Variants in AGBL4 observed in about 807,000 individuals in gnomAD.
AGBL4 encodes cytosolic carboxypeptidase 6.
A neutral mutation model predicts 66.4 loss-of-function variants in AGBL4; 58 were observed. The ratio of observed to expected loss-of-function variants is 0.87; its 90% CI spans 0.71 to 1.09. The LOEUF is 1.09. Among genes scored for constraint, AGBL4 ranks in the 50% least tolerant of loss-of-function variants. The pLI, the probability that AGBL4 is intolerant of heterozygous loss-of-function variation, is 0.00. For missense variants in AGBL4, 579 were observed against 631.0 expected, an observed-to-expected ratio of 0.92 and a Z score of 0.88; for synonymous variants, 234 against 222.9, an observed-to-expected ratio of 1.05 and a Z score of -0.44.
At chr1:49,668,609 G>A (rs775448429) in intron 3 of AGBL4, among the ~76,000 whole-genome samples, 12 of 152,096 alleles carry the variant, frequency 7.9e-5, no homozygotes, top group Admixed American at 2.0e-4. Flanking sequence ...AACAGAAAGC[G>A]ACTGTCTACA....
At chr1:48,880,381 G>C (rs1392533258) in intron 5 of AGBL4, among the ~76,000 whole-genome samples, 2 of 152,076 alleles carry the variant, frequency 1.3e-5, no homozygotes, top group Non-Finnish European at 1.5e-5. Flanking sequence ...GGTCATTTGG[G>C]TTGGTGCCTC....
At chr1:48,941,211 A>G (rs1363010097) in intron 5 of AGBL4, among the ~76,000 whole-genome samples, 4 of 152,196 alleles carry the variant, frequency 2.6e-5, no homozygotes, top group Non-Finnish European at 5.9e-5. Flanking sequence ...CCAGATTAAT[A>G]GCTCTGAGTG....
intron 3 of AGBL4, among the ~76,000 whole-genome samples, chr1:49,417,363 GGCCTGCTGTGGAGTC>G (rs1645449408): frequency 6.6e-6 from 1 of 152,236 alleles, no homozygotes; most frequent in East Asian, 1.9e-4. Context: ...ACAAACAGTT[GGCCTGCTGTGGAGTC>G]CTTTTGCTGT....
intron 4 of AGBL4, chr1:49,048,424 A>G (rs887142324): frequency 1.3e-5 from 2 of 152,112 alleles, no homozygotes; most frequent in Non-Finnish European, 2.9e-5. Flanking sequence ...GTGAGCCGGG[A>G]TGCCTAACCT....
At chr1:49,711,068 A>T (rs893372276) in intron 2 of AGBL4, among the ~76,000 whole-genome samples, 1 of 152,088 alleles carries the variant, frequency 6.6e-6, no homozygotes, top group African/African-American at 2.4e-5. Context: ...AAATAAAAAC[A>T]TAATAAACAA....
chr1:48,698,536 G>C (rs1328567407), intron 6 of AGBL4, among the ~76,000 whole-genome samples: 1 of 152,232 alleles, frequency 6.6e-6, no homozygotes, highest in East Asian at 1.9e-4. Context: ...CACATGGGGA[G>C]CTGGATCACT....
At chr1:48,800,330 A>G (rs768075908) in intron 6 of AGBL4, among the ~76,000 whole-genome samples, 8 of 152,080 alleles carry the variant, frequency 5.3e-5, no homozygotes, top group Admixed American at 2.0e-4. Flanking sequence ...TATTTCTCTG[A>G]TATCCATCGT....
At chr1:49,383,654 A>T (rs1570582318) in intron 3 of AGBL4, among the ~76,000 whole-genome samples, 1 of 152,194 alleles carries the variant, frequency 6.6e-6, no homozygotes, top group African/African-American at 2.4e-5. Context: ...CTCAAAATGA[A>T]TTAAAGATCT....
chr1:48,780,583 T>C (rs1317850853), intron 6 of AGBL4, among the ~76,000 whole-genome samples: 1 of 152,100 alleles, frequency 6.6e-6, no homozygotes, highest in Non-Finnish European at 1.5e-5. Flanking sequence ...AACAGGTATA[T>C]AGACCAATGG....
chr1:48,752,458 T>C (rs1651895993), intron 6 of AGBL4, among the ~76,000 whole-genome samples: 1 of 152,194 alleles, frequency 6.6e-6, no homozygotes, highest in African/African-American at 2.4e-5. Flanking sequence ...ACCAGTGAGT[T>C]TGAAATCAAG....
intron 1 of AGBL4, among the ~76,000 whole-genome samples, chr1:49,939,989 T>C (rs556302000): frequency 2.3e-4 from 35 of 152,008 alleles, no homozygotes; most frequent in Non-Finnish European, 4.7e-4. Context: ...TACAATGAAC[T>C]CAAACAAATT....
intron 3 of AGBL4, among the ~76,000 whole-genome samples, chr1:49,385,314 C>A (rs1257143754): frequency 1.3e-5 from 2 of 151,640 alleles, no homozygotes; most frequent in Non-Finnish European, 2.9e-5. Context: ...TTTTTACTAC[C>A]ATAATAAAAT....
intron 9 of AGBL4, among the ~76,000 whole-genome samples, chr1:48,612,896 G>A (rs1028929526): frequency 1.3e-5 from 2 of 152,292 alleles, no homozygotes; most frequent in Admixed American, 1.3e-4. Flanking sequence ...CACTTTGGGA[G>A]GCCAAGGCGG....
chr1:48,781,999 GT>G (rs1442386600), intron 6 of AGBL4, among the ~76,000 whole-genome samples: 1 of 152,232 alleles, frequency 6.6e-6, no homozygotes, highest in African/African-American at 2.4e-5. Context: ...TCAGGTGGGT[GT>G]TATTAAACAC....
At chr1:48,901,544 C>G (rs529101716) in intron 5 of AGBL4, among the ~76,000 whole-genome samples, 1 of 152,072 alleles carries the variant, frequency 6.6e-6, no homozygotes, top group Non-Finnish European at 1.5e-5. Context: ...ACAATAAAAA[C>G]GAATGACCCA....
chr1:48,748,510 A>T (rs1361709414), intron 6 of AGBL4, among the ~76,000 whole-genome samples: 1 of 152,150 alleles, frequency 6.6e-6, no homozygotes. Context: ...GAAGCAAAGG[A>T]GGGGGTGCTG....
At chr1:48,986,033 A>G (rs1250895028) in intron 5 of AGBL4, among the ~76,000 whole-genome samples, 1 of 152,086 alleles carries the variant, frequency 6.6e-6, no homozygotes, top group Non-Finnish European at 1.5e-5. Flanking sequence ...GGATGGAAAA[A>G]TGGCAAATTA....
At chr1:49,286,565 A>G (rs1361144155) in intron 3 of AGBL4, among the ~76,000 whole-genome samples, 2 of 152,034 alleles carry the variant, frequency 1.3e-5, no homozygotes, top group Non-Finnish European at 2.9e-5. Flanking sequence ...TTATACACCA[A>G]TAACAGACAA....
intron 11 of AGBL4, among the ~76,000 whole-genome samples, chr1:48,578,491 G>T (rs1309792964): frequency 6.6e-6 from 1 of 151,992 alleles, no homozygotes; most frequent in Non-Finnish European, 1.5e-5. Flanking sequence ...TTTGACCTTG[G>T]GTATGACACA....
Sources: gnomAD v4.1 joint callset for allele counts (sites outside exome capture counted in the v4.1 genomes callset) on GRCh38, gnomAD v4.1.1 for gene constraint, MANE v1.5 for transcripts, NCBI Gene and HGNC (gene_info 2026-07-23, HGNC 2026-07-21) for gene names.